The following CCDC18 variants were observed in gnomAD, a reference collection of about 807,000 sequenced individuals.
CCDC18 encodes the protein coiled-coil domain-containing protein 18.
CCDC18 carries 157 observed loss-of-function variants against 196.0 expected under a neutral mutation model. The ratio of observed to expected loss-of-function variants is 0.80; its 90% CI spans 0.70 to 0.91. The LOEUF (loss-of-function observed/expected upper bound fraction) is 0.91, where lower values mean the gene tolerates loss of function less well. Among genes scored for constraint, CCDC18 ranks in the 40% least tolerant of loss-of-function variants. The pLI is 0.00. For missense variants in CCDC18, 1,465 were observed against 1,611.6 expected (o/e 0.91, Z 1.56); for synonymous variants, 482 against 529.2 (o/e 0.91, Z 1.22).
chr1:93,234,190 TCTCA>T (rs1007499029), intron 18 of CCDC18, among the ~76,000 whole-genome samples: 2 of 152,196 alleles, frequency 1.3e-5, no homozygotes, highest in South Asian at 2.1e-4. Context: ...TGAGACGTAG[TCTCA>T]CTGTGTCGCC....
At position 93,232,591 on chromosome 1, in the gene CCDC18, CA is replaced by C; in HGVS notation, c.2459del (p.Gln820ArgfsTer20). ...AGATACTCAAACTAAACTTGAAAAA[CA>C]GGTATATATTATTAGCCCAAGATTG... ...LEDTQTKLEK[Q>X]VSKLEQELQK... On this transcript the variant is annotated frameshift_variant and splice_region_variant, in exon 18 of 29. Transcript: ENST00000690025. LOFTEE classifies it high-confidence loss of function. 6.3e-7 allele frequency: 1 copy of C among 1,581,512 alleles called. No homozygotes were observed. Among genetic ancestry groups the C allele is most frequent in the South Asian group, 1.1e-5 (1 of 87,274 alleles).
chr1:93,203,823 C>G (rs1275743938), intron 7 of CCDC18, among the ~76,000 whole-genome samples: 1 of 151,686 alleles, frequency 6.6e-6, no homozygotes, highest in Non-Finnish European at 1.5e-5. Context: ...AGAGCAAGAC[C>G]CTGTCTGTAA....
chr1:93,234,143 T>C (rs1659668907), intron 18 of CCDC18, among the ~76,000 whole-genome samples: 1 of 151,414 alleles, frequency 6.6e-6, no homozygotes, highest in African/African-American at 2.5e-5. Flanking sequence ...TTGTTTTTTT[T>C]TAACAAGTTC....
intron 6 of CCDC18, among the ~76,000 whole-genome samples, chr1:93,199,204 C>T (rs1653358251): frequency 6.6e-6 from 1 of 152,234 alleles, no homozygotes; most frequent in Non-Finnish European, 1.5e-5. Flanking sequence ...CTGCGCTTGG[C>T]TCGTGCTACC....
chr1:93,195,906 T>C lies in CCDC18; in HGVS notation c.698+2162T>C, dbSNP rs532783467. On this transcript the variant is annotated intron_variant, in intron 6 of 28. Coordinates refer to ENST00000690025, the MANE Select transcript of CCDC18 (RefSeq NM_001378204.1). ...TCTGAGATTGAAAGATCAGAACCTT[T>C]TCAAGGACTATTGGGTGGAGAAGAT... 1.2e-4 allele frequency among the ~76,000 whole-genome samples: 18 copies of C among 152,310 alleles called. No homozygotes were observed. The South Asian group carries it at 3.5e-3, about 30-fold the overall frequency.
intron 3 of CCDC18, among the ~76,000 whole-genome samples, chr1:93,185,790 CATAA>C (rs1397003577): frequency 6.6e-5 from 10 of 151,642 alleles, no homozygotes; most frequent in African/African-American, 2.4e-4. Flanking sequence ...TTTTGAATTG[CATAA>C]ATAAATCACT....
chr1:93,253,582 T>G lies in CCDC18; in HGVS notation c.3199-889T>G, dbSNP rs552966834. On this transcript the variant is annotated intron_variant, in intron 23 of 28. Coordinates refer to ENST00000690025, the MANE Select transcript of CCDC18 (RefSeq NM_001378204.1). ...GGACAGGTCTCCCTTTGGGTCTGTG[T>G]GTGAGTAGCTCTGAGCTGGGACCTT... Among the ~76,000 whole-genome samples the G allele has an allele frequency of 2.4e-4, 37 of 152,290 alleles. No individual in the cohort carries two copies. In the South Asian group the frequency reaches 6.4e-3, roughly 26 times the overall value.
chr1:93,198,836 T>C (rs1157411165), intron 6 of CCDC18, among the ~76,000 whole-genome samples: 5 of 152,228 alleles, frequency 3.3e-5, no homozygotes, highest in Admixed American at 6.5e-5. Context: ...TTTTTACACA[T>C]GGGTCTCACT....
chr1:93,199,599 T>C lies in CCDC18; in HGVS notation c.699-2293T>C, dbSNP rs1191159094. On this transcript the variant is annotated intron_variant, in intron 6 of 28. Coordinates refer to ENST00000690025, the MANE Select transcript of CCDC18 (RefSeq NM_001378204.1). Reference sequence around the variant, plus strand: ...CAACGTAGTGAGCAGGGGGCGTGTTTCAGCCATTTGTGTTACAGCATTTTA... The same window carrying C: ...CAACGTAGTGAGCAGGGGGCGTGTTCCAGCCATTTGTGTTACAGCATTTTA... Among the ~76,000 whole-genome samples, 3 of 152,230 alleles carry C rather than the reference T, an allele frequency of 2.0e-5. No individual in the cohort carries two copies. The East Asian group carries it at 5.8e-4, about 29-fold the overall frequency.
chr1:93,185,141 T>C (rs985313253), intron 3 of CCDC18, among the ~76,000 whole-genome samples: 1 of 151,906 alleles, frequency 6.6e-6, no homozygotes, highest in Non-Finnish European at 1.5e-5. Flanking sequence ...TCACTCATAA[T>C]AAGATAAATT....
chr1:93,183,954 A>C lies in CCDC18; in HGVS notation c.135-24A>C, dbSNP rs749823942. The C allele has an allele frequency of 1.1e-5, 16 of 1,428,428 alleles. No individual in the cohort carries two copies. In the South Asian group the frequency reaches 2.6e-4, roughly 23 times the overall value. 88.5% of individuals were successfully genotyped at this position (1,428,428 alleles called of 1,614,324 possible). A position where few individuals can be genotyped will look rare whatever the true frequency, so the allele number is the denominator to read the frequency against. ...GTGAATAAACTATCCAAGAACTGAAATATGTTTTTTCTTTTTTCTCTAGTG... is the reference window on the plus strand; with the variant it reads ...GTGAATAAACTATCCAAGAACTGAACTATGTTTTTTCTTTTTTCTCTAGTG... On this transcript the variant is annotated intron_variant, in intron 2 of 28. Coordinates refer to ENST00000690025, the MANE Select transcript of CCDC18 (RefSeq NM_001378204.1).
At chr1:93,232,311 A>G (rs558016828) in intron 17 of CCDC18, 115 bp from the exon 18 acceptor site, 15 of 635,170 alleles carry the variant, frequency 2.4e-5, no homozygotes, top group Middle Eastern at 4.6e-4. Context: ...CATGAATGCA[A>G]TTGTCCCACA....
At position 93,270,686 on chromosome 1, in the gene CCDC18, T is replaced by C; in HGVS notation, c.4225T>C (p.Tyr1409His). The change falls in exon 28 of 29, where the codon TAT becomes CAT. Residue 1409 changes from tyrosine to histidine, a missense_variant. Transcript: ENST00000690025. ...GCCAGACTCATTTAAACCTCTCACA[T>C]ATAACCTAGAAGCTGATAGTTCTGA... ...TQPDSFKPLT[Y>H]NLEADSSENN... 6.5e-7 allele frequency: 1 copy of C among 1,550,364 alleles called. No homozygotes were observed. The highest frequency in any genetic ancestry group is 1.7e-4 in the Middle Eastern group (1 of 5,986).
At chr1:93,195,472 C>G (rs1183222963) in intron 6 of CCDC18, among the ~76,000 whole-genome samples, 1 of 152,136 alleles carries the variant, frequency 6.6e-6, no homozygotes, top group Non-Finnish European at 1.5e-5. Flanking sequence ...TTTTGAAGAA[C>G]TAAAATGAAT....
chr1:93,237,709 C>T (rs72717346), intron 19 of CCDC18, among the ~76,000 whole-genome samples: 13,391 of 152,042 alleles, frequency 0.088, 673 homozygotes, highest in African/African-American at 0.13. Context: ...TTTCTTTAGA[C>T]GGCCTGACTT....
chr1:93,246,823 A>G lies in CCDC18; in HGVS notation c.3082-15A>G, dbSNP rs1446094874. 3 of 1,135,126 alleles carry G rather than the reference A, an allele frequency of 2.6e-6. No individual in the cohort carries two copies. The South Asian group carries it at 3.9e-5, about 15-fold the overall frequency. The allele number at this position is 1,135,126 out of a possible 1,614,324, so 70.3% of individuals were successfully genotyped here. A position where few individuals can be genotyped will look rare whatever the true frequency, so the allele number is the denominator to read the frequency against. ...TCAGAATAAAATTGAACAACAGTTTAAGGTTATTTTTTAGGTTACACATTT... is the reference window on the plus strand; with the variant it reads ...TCAGAATAAAATTGAACAACAGTTTGAGGTTATTTTTTAGGTTACACATTT... On this transcript the variant is annotated splice_polypyrimidine_tract_variant and intron_variant, in intron 22 of 28. Coordinates refer to ENST00000690025, the MANE Select transcript of CCDC18 (RefSeq NM_001378204.1).
Position 93,226,463 on chromosome 1 carries a change from T to C in CCDC18, c.2292+14T>C. The C allele has an allele frequency of 9.0e-7, 1 of 1,107,066 alleles. No homozygotes were observed. The highest frequency in any genetic ancestry group is 1.4e-6 in the Non-Finnish European group (1 of 723,768). The allele number at this position is 1,107,066 out of a possible 1,614,324, so 68.6% of individuals were successfully genotyped here. A position where few individuals can be genotyped will look rare whatever the true frequency, so the allele number is the denominator to read the frequency against. ...AAATCTGAAGAGGTAAATTAACATTTACTTTATATATAGCATATATTTCAA... is the reference window on the plus strand; with the variant it reads ...AAATCTGAAGAGGTAAATTAACATTCACTTTATATATAGCATATATTTCAA... On this transcript the variant is annotated intron_variant, in intron 17 of 28. Coordinates refer to ENST00000690025, the MANE Select transcript of CCDC18 (RefSeq NM_001378204.1).
At chr1:93,276,103 TA>T (rs1665608245) in intron 28 of CCDC18, among the ~76,000 whole-genome samples, 1 of 152,218 alleles carries the variant, frequency 6.6e-6, no homozygotes, top group African/African-American at 2.4e-5. Context: ...TCAGCTGGCC[TA>T]AATCCAGCTC....
chr1:93,190,141 T>C (rs952193103), intron 4 of CCDC18, among the ~76,000 whole-genome samples: 1 of 152,224 alleles, frequency 6.6e-6, no homozygotes, highest in African/African-American at 2.4e-5. Flanking sequence ...ATGATTTTTT[T>C]TTCATGTTTG....
Sources: allele counts gnomAD v4.1 joint callset (sites outside exome capture counted in the v4.1 genomes callset), GRCh38; gene constraint gnomAD v4.1.1; transcripts MANE v1.5; gene names NCBI Gene and HGNC (gene_info 2026-07-23, HGNC 2026-07-21).